The following DIAPH3 variants were observed in gnomAD, a reference collection of about 807,000 sequenced individuals.
DIAPH3 encodes the protein protein diaphanous homolog 3.
In DIAPH3, 117 loss-of-function variants were observed where a neutral mutation model predicts 144.3. That is an observed-to-expected ratio of 0.81 (90% confidence interval 0.70 to 0.95). The LOEUF (loss-of-function observed/expected upper bound fraction) is 0.95, where lower values mean the gene tolerates loss of function less well. Ranked by LOEUF, DIAPH3 falls within the 40% of genes least tolerant of loss-of-function variation. DIAPH3 has a pLI of 0.00. For synonymous variants in DIAPH3, 519 were observed against 488.9 expected, an observed-to-expected ratio of 1.06 and a Z score of -0.81; for missense variants, 1,421 against 1,412.7, an observed-to-expected ratio of 1.01 and a Z score of -0.09.
intron 22 of DIAPH3, among the ~76,000 whole-genome samples, chr13:59,847,816 T>G (rs2042732889): frequency 6.6e-6 from 1 of 152,298 alleles, no homozygotes; most frequent in African/African-American, 2.4e-5. Flanking sequence ...GTGTATTAGC[T>G]GGACTTCAAA....
intron 21 of DIAPH3, among the ~76,000 whole-genome samples, chr13:59,871,565 A>G (rs1019343934): frequency 1.3e-5 from 2 of 152,168 alleles, no homozygotes; most frequent in Non-Finnish European, 2.9e-5. Context: ...TCTTTAGCTC[A>G]TTGATGATGA....
intron 5 of DIAPH3, among the ~76,000 whole-genome samples, chr13:60,039,143 T>C (rs1249203185): frequency 6.6e-6 from 1 of 151,970 alleles, no homozygotes; most frequent in African/African-American, 2.4e-5. Context: ...GTATTTAGCA[T>C]ACTGATTTTC....
intron 4 of DIAPH3, among the ~76,000 whole-genome samples, chr13:60,051,243 A>G (rs75861806): frequency 1.3e-5 from 2 of 152,124 alleles, no homozygotes; most frequent in East Asian, 3.9e-4. Context: ...ATATATATAT[A>G]TGGTAATGTT....
In DIAPH3 at chr13:59,710,700, C is replaced by T. The variant is rs1013485740; in HGVS notation, c.3320-43854G>A. ...TGTTGTGATTAAGTGAGATAATATA[C>T]GTAAATATCCTAGCAGAGTATCAGG... On this transcript the variant is annotated intron_variant, in intron 27 of 27. Coordinates refer to ENST00000400324, the MANE Select transcript of DIAPH3 (RefSeq NM_001042517.2). Among the ~76,000 whole-genome samples, 10 of 152,146 alleles carry T rather than the reference C, an allele frequency of 6.6e-5. No individual in the cohort carries two copies. In the South Asian group the frequency reaches 1.0e-3, roughly 16 times the overall value.
intron 17 of DIAPH3, among the ~76,000 whole-genome samples, chr13:59,936,779 A>G (rs750005899): frequency 1.3e-5 from 2 of 152,222 alleles, no homozygotes; most frequent in Admixed American, 6.5e-5. Flanking sequence ...TCTCACCACC[A>G]TAAGAAATAC....
intron 27 of DIAPH3, among the ~76,000 whole-genome samples, chr13:59,769,329 T>A (rs758717061): frequency 1.1e-4 from 16 of 152,192 alleles, no homozygotes; most frequent in Non-Finnish European, 2.2e-4. Flanking sequence ...TCAACCTTCG[T>A]TGTATAGGCT....
chr13:59,798,618 T>C (rs1371618628), intron 25 of DIAPH3, among the ~76,000 whole-genome samples: 2 of 152,226 alleles, frequency 1.3e-5, no homozygotes, highest in East Asian at 3.8e-4. Context: ...CCACATTTAC[T>C]GCTCAGATGT....
At chr13:59,859,028 T>G (rs997707567) in intron 22 of DIAPH3, among the ~76,000 whole-genome samples, 1 of 152,174 alleles carries the variant, frequency 6.6e-6, no homozygotes, top group African/African-American at 2.4e-5. Flanking sequence ...TGGAAACTTT[T>G]AAATGATGAT....
intron 5 of DIAPH3, among the ~76,000 whole-genome samples, chr13:60,041,828 C>T (rs901328539): frequency 2.6e-5 from 4 of 152,182 alleles, no homozygotes; most frequent in Non-Finnish European, 5.9e-5. Context: ...TATTTCATAA[C>T]AACTTCTGCT....
chr13:59,983,739 G>T (rs2051185457), intron 13 of DIAPH3, 30 bp downstream of exon 13: 2 of 1,409,446 alleles, frequency 1.4e-6, no homozygotes, highest in Admixed American at 1.7e-5. Context: ...GAGACAATAA[G>T]ATATTTCTAT....
intron 24 of DIAPH3, among the ~76,000 whole-genome samples, chr13:59,828,972 A>G (rs1442592938): frequency 1.3e-5 from 2 of 151,980 alleles, no homozygotes; most frequent in African/African-American, 4.8e-5. Context: ...AGAAGCTACA[A>G]GATTTTGAAA....
At chr13:59,839,155 A>T (rs958311937) in intron 23 of DIAPH3, 169 bp downstream of exon 23, 1 of 656,370 alleles carries the variant, frequency 1.5e-6, no homozygotes, top group Non-Finnish European at 2.6e-6. Context: ...TGTATTATTC[A>T]TGATTGACAG....
At chr13:59,762,740 G>T (rs2037667449) in intron 27 of DIAPH3, among the ~76,000 whole-genome samples, 1 of 151,896 alleles carries the variant, frequency 6.6e-6, no homozygotes, top group African/African-American at 2.4e-5. Context: ...GATCTTCCCT[G>T]CTATGGTTTG....
chr13:59,928,389 T>C (rs1594022442), intron 17 of DIAPH3, among the ~76,000 whole-genome samples: 1 of 152,164 alleles, frequency 6.6e-6, no homozygotes, highest in South Asian at 2.1e-4. Flanking sequence ...AAATTTCTTT[T>C]TATTTGGGGT....
At chr13:59,826,494 A>C (rs1358946672) in intron 24 of DIAPH3, among the ~76,000 whole-genome samples, 1 of 150,796 alleles carries the variant, frequency 6.6e-6, no homozygotes, top group African/African-American at 2.4e-5. Flanking sequence ...GGACCTCTTC[A>C]AGGAGAACTA....
intron 27 of DIAPH3, among the ~76,000 whole-genome samples, chr13:59,745,427 G>T (rs994648872): frequency 2.6e-5 from 4 of 152,090 alleles, no homozygotes; most frequent in African/African-American, 9.7e-5. Flanking sequence ...TGTACCTAGG[G>T]TGTTGAGTTT....
At chr13:59,690,201 CT>C (rs2033433481) in intron 27 of DIAPH3, among the ~76,000 whole-genome samples, 1 of 152,056 alleles carries the variant, frequency 6.6e-6, no homozygotes, top group Non-Finnish European at 1.5e-5. Flanking sequence ...TCTGTGAGCA[CT>C]TTATGCCATG....
intron 21 of DIAPH3, among the ~76,000 whole-genome samples, chr13:59,869,790 G>A (rs538696764): frequency 3.7e-4 from 56 of 152,110 alleles, no homozygotes; most frequent in African/African-American, 1.2e-3. Flanking sequence ...ACACCTATAC[G>A]TTTTGATGGG....
At chr13:59,856,130 C>T (rs1032081058) in intron 22 of DIAPH3, among the ~76,000 whole-genome samples, 21 of 152,032 alleles carry the variant, frequency 1.4e-4, no homozygotes, top group Non-Finnish European at 2.2e-4. Flanking sequence ...AGCATACTTG[C>T]AATTATTTCA....
Sources: gnomAD v4.1 joint callset for allele counts (sites outside exome capture counted in the v4.1 genomes callset) on GRCh38, gnomAD v4.1.1 for gene constraint, MANE v1.5 for transcripts, NCBI Gene and HGNC (gene_info 2026-07-23, HGNC 2026-07-21) for gene names.